Variants in NCMAP observed in about 807,000 individuals in gnomAD.
NCMAP encodes the protein non-compact myelin associated protein.
In NCMAP, 8 loss-of-function variants were observed where a neutral mutation model predicts 7.8. That is an observed-to-expected ratio of 1.02 (90% CI 0.60 to 1.84). The LOEUF (loss-of-function observed/expected upper bound fraction) is 1.84, where lower values mean the gene tolerates loss of function less well. Among genes scored for constraint, NCMAP ranks in the 40% most tolerant of loss-of-function variants. NCMAP has a pLI of 0.00. For synonymous variants in NCMAP, 41 were observed against 52.9 expected, an observed-to-expected ratio of 0.78 and a Z score of 0.98; for missense variants, 112 against 131.4, an observed-to-expected ratio of 0.85 and a Z score of 0.72.
At chr1:24,599,406 T>C (rs1474343066) in intron 2 of NCMAP, among the ~76,000 whole-genome samples, 3 of 151,838 alleles carry the variant, frequency 2.0e-5, no homozygotes, top group Non-Finnish European at 2.9e-5. Context: ...TTGTTTTTAA[T>C]AGTGAAAAAC....
At chr1:24,596,711 G>A (rs539070975) in intron 2 of NCMAP, among the ~76,000 whole-genome samples, 2 of 152,090 alleles carry the variant, frequency 1.3e-5, no homozygotes, top group Non-Finnish European at 2.9e-5. Context: ...ACAAAAATCC[G>A]AAGTAGCTAT....
In NCMAP at chr1:24,605,984, A is replaced by C; in HGVS notation, c.*237A>C. The C allele has an allele frequency of 1.9e-6, 1 of 517,942 alleles. No homozygotes were observed. Among genetic ancestry groups the C allele is most frequent in the South Asian group, 2.6e-5 (1 of 37,796 alleles). The allele number at this position is 517,942 out of a possible 1,614,324, so 32.1% of individuals were successfully genotyped here. A position where few individuals can be genotyped will look rare whatever the true frequency, so the allele number is the denominator to read the frequency against. ...AAAAGCTGCAGAACATTCTTTTGTC[A>C]TCTGATGAGGTAGAGCTATGTTGGG... On this transcript the variant is annotated 3_prime_UTR_variant, in exon 4 of 4. Transcript: ENST00000374392.
At chr1:24,566,096 A>G (rs1164192495) in intron 1 of NCMAP, among the ~76,000 whole-genome samples, 1 of 152,174 alleles carries the variant, frequency 6.6e-6, no homozygotes. Context: ...CTCCACAGCC[A>G]TGCTGGACTT....
In NCMAP at chr1:24,607,027, AT is replaced by A. The variant is rs1652789764; in HGVS notation, c.*1281del. 1 of 149,566 alleles carries A rather than the reference AT, an allele frequency of 6.7e-6. No homozygotes were observed. Among genetic ancestry groups the A allele is most frequent in the African/African-American group, 2.5e-5 (1 of 40,598 alleles). The allele number at this position is 149,566 out of a possible 1,614,324, so 9.3% of individuals were successfully genotyped here. A position where few individuals can be genotyped will look rare whatever the true frequency, so the allele number is the denominator to read the frequency against. On this transcript the variant is annotated 3_prime_UTR_variant, in exon 4 of 4. Transcript: ENST00000374392. ...TTTTTTTTTTTGAGACAGAGCCTCAATCTGTCACCTGGGCTGGAGTGCAGTG... is the reference window on the plus strand; with the variant it reads ...TTTTTTTTTTTGAGACAGAGCCTCAACTGTCACCTGGGCTGGAGTGCAGTG...
intron 2 of NCMAP, among the ~76,000 whole-genome samples, chr1:24,599,631 G>A (rs1652393607): frequency 6.6e-6 from 1 of 152,192 alleles, no homozygotes; most frequent in Admixed American, 6.5e-5. Flanking sequence ...AGGCTAGAGT[G>A]CAGTGGCACG....
At chr1:24,594,906 T>TA (rs1343363399) in intron 1 of NCMAP, among the ~76,000 whole-genome samples, 12 of 152,002 alleles carry the variant, frequency 7.9e-5, no homozygotes, top group Non-Finnish European at 1.3e-4. Context: ...AAAAATTTTT[T>TA]AAATCATAGT....
chr1:24,595,870 T>C (rs1652208854), intron 2 of NCMAP, among the ~76,000 whole-genome samples: 1 of 144,916 alleles, frequency 6.9e-6, no homozygotes, highest in Non-Finnish European at 1.5e-5. Flanking sequence ...ATCTATACAA[T>C]GGGGATATTA....
chr1:24,577,402 T>G (rs990642587), intron 1 of NCMAP, among the ~76,000 whole-genome samples: 8 of 49,794 alleles, frequency 1.6e-4, no homozygotes, highest in Admixed American at 3.2e-4. Context: ...ACTGGCCTTG[T>G]TTTTTTTTTT....
intron 1 of NCMAP, among the ~76,000 whole-genome samples, chr1:24,557,969 A>G (rs3893315): frequency 0.49 from 74,809 of 152,074 alleles, 20,212 homozygotes; most frequent in African/African-American, 0.71. Context: ...CATGTGGACT[A>G]TGGCCATTCC....
rs11368502 is a variant in NCMAP, at chr1:24,565,144, CTTT to C, written c.-8+8988_-8+8990del. ...TTAGGCAGGAGGGGATTTTATACAC[CTTT>C]TTTTTTTTTTTTAATGTAGGAAAGG... On this transcript the variant is annotated intron_variant, in intron 1 of 3. Transcript: ENST00000374392. Among the ~76,000 whole-genome samples the C allele has an allele frequency of 3.7e-3, 526 of 142,598 alleles. 11 individuals are homozygous for C. The highest frequency in any genetic ancestry group is 0.02 in the Admixed American group (287 of 14,326). 93.5% of individuals were successfully genotyped at this position (142,598 alleles called of 152,430 possible). A position where few individuals can be genotyped will look rare whatever the true frequency, so the allele number is the denominator to read the frequency against.
intron 1 of NCMAP, among the ~76,000 whole-genome samples, chr1:24,585,371 G>A (rs1032696414): frequency 6.6e-6 from 1 of 152,072 alleles, no homozygotes; most frequent in African/African-American, 2.4e-5. Flanking sequence ...AATCTGCCTC[G>A]GTTTGTTCCA....
rs1652801943 is a variant in NCMAP, at chr1:24,607,443, A to T, written c.*1696A>T. ...TAATTGTAGTTCTTTACTTCCTCTC[A>T]AAAACTTGTGATCTTATAATTGATG... On this transcript the variant is annotated 3_prime_UTR_variant, in exon 4 of 4. Transcript: ENST00000374392. The T allele has an allele frequency of 6.6e-6, 1 of 152,110 alleles. No homozygotes were observed. The highest frequency in any genetic ancestry group is 1.9e-4 in the East Asian group (1 of 5,192). The allele number at this position is 152,110 out of a possible 1,614,324, so 9.4% of individuals were successfully genotyped here.
Position 24,605,702 on chromosome 1 carries a change from A to G in NCMAP, c.264A>G (p.Ala88=). 1.9e-6 allele frequency: 3 copies of G among 1,614,120 alleles called. No individual in the cohort carries two copies. In the South Asian group the frequency reaches 3.3e-5, roughly 18 times the overall value. ...GPNSNGSQHP[A]TVTFSPVDVQ... The stretch of plus-strand genomic sequence containing the variant: ...ACAGCAACGGCAGCCAACACCCAGC[A>G]ACTGTGACCTTCAGTCCTGTTGACG... Residue 88 remains alanine (A), a synonymous_variant, in exon 4 of 4, where the codon GCA becomes GCG. Transcript: ENST00000374392.
chr1:24,559,852 C>T (rs1650998377), intron 1 of NCMAP, among the ~76,000 whole-genome samples: 2 of 152,214 alleles, frequency 1.3e-5, no homozygotes, highest in Non-Finnish European at 2.9e-5. Flanking sequence ...ACGATAGTAC[C>T]CTCTGCAATC....
intron 1 of NCMAP, among the ~76,000 whole-genome samples, chr1:24,558,997 A>T (rs937481349): frequency 6.6e-6 from 1 of 152,232 alleles, no homozygotes; most frequent in Non-Finnish European, 1.5e-5. Flanking sequence ...ATGAAAAGAA[A>T]GACCCCAAAT....
At chr1:24,584,309 C>T (rs1651820854) in intron 1 of NCMAP, among the ~76,000 whole-genome samples, 1 of 152,210 alleles carries the variant, frequency 6.6e-6, no homozygotes, top group South Asian at 2.1e-4. Flanking sequence ...CCACGGGTCT[C>T]TTCCTCCCAC....
intron 1 of NCMAP, among the ~76,000 whole-genome samples, chr1:24,565,698 A>G (rs1013867266): frequency 6.6e-6 from 1 of 151,336 alleles, no homozygotes; most frequent in African/African-American, 2.4e-5. Flanking sequence ...TCCTGGCTCA[A>G]TCAATCCACC....
At chr1:24,563,286 C>T (rs1651109013) in intron 1 of NCMAP, among the ~76,000 whole-genome samples, 1 of 150,890 alleles carries the variant, frequency 6.6e-6, no homozygotes, top group Non-Finnish European at 1.5e-5. Context: ...ATTTGGGAGG[C>T]CGAGGCAGGC....
chr1:24,574,371 G>A (rs144850536), intron 1 of NCMAP, among the ~76,000 whole-genome samples: 2,865 of 148,280 alleles, frequency 0.019, 157 homozygotes, highest in African/African-American at 0.066. Context: ...TGCCCACCTC[G>A]GCCTCGCAAA....
Sources: allele counts gnomAD v4.1 joint callset (sites outside exome capture counted in the v4.1 genomes callset), GRCh38; gene constraint gnomAD v4.1.1; transcripts MANE v1.5; gene names NCBI Gene and HGNC (gene_info 2026-07-23, HGNC 2026-07-21).